BCOR: variants seen among roughly 807,000 people sequenced by gnomAD.
The protein encoded by BCOR is BCL-6 corepressor.
A neutral mutation model predicts 86.7 loss-of-function variants in BCOR; 10 were observed. The ratio of observed to expected loss-of-function variants is 0.12; its 90% CI spans 0.07 to 0.20. The LOEUF is 0.20. BCOR is among the 10% of genes least tolerant of loss of function. The pLI, the probability that BCOR is intolerant of heterozygous loss-of-function variation, is 1.00. For synonymous variants in BCOR, 611 were observed against 609.0 expected (o/e 1.00, Z -0.05); for missense variants, 1,259 against 1,452.1 (o/e 0.87, Z 2.16).
intron 9 of BCOR, 82 bp downstream of exon 9, chrX:40,062,664 G>A: frequency 1.0e-6 from 1 of 964,058 alleles, no homozygotes; most frequent in South Asian, 2.1e-5. Flanking sequence ...GAAAAGGAAA[G>A]CTTTGTCCCC....
intron 3 of BCOR, among the ~76,000 whole-genome samples, chrX:40,075,904 T>C (rs1259243253): frequency 8.9e-6 from 1 of 112,413 alleles, no homozygotes; most frequent in African/African-American, 3.2e-5. Context: ...TAACCCTCCC[T>C]GGGCCTGTCA....
chrX:40,129,723 AG>A (rs34902750), intron 1 of BCOR, among the ~76,000 whole-genome samples: 20,983 of 109,551 alleles, frequency 0.19, 2,942 homozygotes, highest in African/African-American at 0.49. Context: ...CCTTGGGAGC[AG>A]GAGTGGTGGC....
Position 40,139,483 on chromosome X carries a change from ATATATATATATATATT to A in BCOR, c.-41+37508_-41+37523del, listed in dbSNP as rs1385549781. Among the ~76,000 whole-genome samples, 3 of 14,831 alleles carry A rather than the reference ATATATATATATATATT, an allele frequency of 2.0e-4. 1 individual carries two copies. The highest frequency in any genetic ancestry group is 9.4e-5 in the Non-Finnish European group (1 of 10,645). The allele number at this position is 14,831 out of a possible 115,157, so 12.9% of individuals were successfully genotyped here. ...TATATATATATATATATATATATAT[ATATATATATATATATT>A]TTTTTTTTTTTTTAAGCATCAGCCT... is the stretch of plus-strand genomic sequence containing the variant. On this transcript the variant is annotated intron_variant, in intron 1 of 14. Transcript: ENST00000342274.
intron 1 of BCOR, among the ~76,000 whole-genome samples, chrX:40,121,942 G>A (rs1467080527): frequency 1.8e-5 from 2 of 111,949 alleles, no homozygotes; most frequent in African/African-American, 6.5e-5. Flanking sequence ...CTTTGTCATC[G>A]CATCCATCCC....
intron 1 of BCOR, among the ~76,000 whole-genome samples, chrX:40,089,111 G>A (rs777987695): frequency 1.8e-5 from 2 of 111,768 alleles, no homozygotes; most frequent in Admixed American, 9.4e-5. Flanking sequence ...CAAGTCTCAG[G>A]GGGTCTCAGG....
chrX:40,131,405 C>T (rs1937599940), intron 1 of BCOR, among the ~76,000 whole-genome samples: 1 of 112,362 alleles, frequency 8.9e-6, no homozygotes, highest in Non-Finnish European at 1.9e-5. Context: ...GCCTGCAATC[C>T]CAGCACTTTG....
At chrX:40,105,026 T>G in intron 1 of BCOR, among the ~76,000 whole-genome samples, 1 of 110,105 alleles carries the variant, frequency 9.1e-6, no homozygotes, top group Non-Finnish European at 1.9e-5. Flanking sequence ...GCGGGTAAGC[T>G]GAGTCGGCGG....
At chrX:40,162,477 C>T (rs1297144470) in intron 1 of BCOR, among the ~76,000 whole-genome samples, 1 of 111,381 alleles carries the variant, frequency 9.0e-6, no homozygotes, top group Non-Finnish European at 1.9e-5. Flanking sequence ...GAACCAGATA[C>T]ATCCTGGGAA....
Position 40,074,946 on chromosome X carries a change from C to A in BCOR, c.400G>T (p.Ala134Ser). 1 of 1,211,413 alleles carries A rather than the reference C, an allele frequency of 8.3e-7. No homozygotes were observed. The highest frequency in any genetic ancestry group is 1.8e-5 in the South Asian group (1 of 56,919). ...FKPNTPETVE[A>S]SAVSGKPPNG... ...GGGGGTTTTCCAGAGACGGCAGAAG[C>A]CTCCACTGTCTCGGGTGTATTCGGT... The change falls in exon 4 of 15, where the codon GCT becomes TCT. Residue 134 changes from alanine (A) to serine (S), a missense_variant. Ala to Ser is a moderately conservative substitution (Grantham distance 99, BLOSUM62 1). This residue lies in a region of BCOR where 174 missense variants were observed against 189.3 expected (regional missense o/e 0.92). Transcript: ENST00000378444.
intron 1 of BCOR, among the ~76,000 whole-genome samples, chrX:40,147,182 A>C (rs762089003): frequency 9.0e-6 from 1 of 111,537 alleles, no homozygotes; most frequent in African/African-American, 3.3e-5. Flanking sequence ...ATCAGCGGCA[A>C]AATCATGTAC....
chrX:40,156,373 G>A (rs1223491643), intron 1 of BCOR, among the ~76,000 whole-genome samples: 2 of 111,739 alleles, frequency 1.8e-5, no homozygotes, highest in African/African-American at 6.5e-5. Flanking sequence ...GTTTTTTCGG[G>A]GCGGGGGTAG....
chrX:40,113,810 TTTTC>T (rs200935908), intron 1 of BCOR, among the ~76,000 whole-genome samples: 15,578 of 108,943 alleles, frequency 0.14, 2,262 homozygotes, highest in African/African-American at 0.44. Flanking sequence ...AATACTTTTT[TTTTC>T]TTTCTTTCTT....
At chrX:40,172,318 C>T (rs942417635) in intron 1 of BCOR, among the ~76,000 whole-genome samples, 1 of 112,532 alleles carries the variant, frequency 8.9e-6, no homozygotes, top group Admixed American at 9.3e-5. Flanking sequence ...GCGAACAGGT[C>T]CTCGCCAGCA....
At position 40,064,360 on chromosome X, in the gene BCOR, C is replaced by G. The variant is rs370146706; in HGVS notation, c.3478G>C (p.Ala1160Pro). The G allele has an allele frequency of 1.7e-6, 2 of 1,211,260 alleles. No homozygotes were observed. Among genetic ancestry groups the G allele is most frequent in the Non-Finnish European group, 2.2e-6 (2 of 895,460 alleles). Residue 1160 changes from alanine (A) to proline (P), a missense_variant, in exon 7 of 15, where the codon GCC becomes CCC. Ala to Pro is a conservative substitution (Grantham distance 27). Coordinates refer to ENST00000378444, the MANE Select transcript of BCOR (RefSeq NM_001123385.2). ...CCTTTAGAGACTCGTCGGCGTTTGG[C>G]TTTCAGCAGAGGGTCCTCTGGCACC... The part of the protein sequence containing the change: ...EEVPEDPLLK[A>P]KRRRVSKDDW...
chrX:40,092,341 G>A (rs1316027642), intron 1 of BCOR, among the ~76,000 whole-genome samples: 4 of 111,598 alleles, frequency 3.6e-5, no homozygotes, highest in Non-Finnish European at 7.6e-5. Context: ...AAGAGGGACC[G>A]CAGCAAATCG....
intron 1 of BCOR, among the ~76,000 whole-genome samples, chrX:40,130,728 C>A (rs1325678703): frequency 1.8e-5 from 2 of 112,168 alleles, no homozygotes; most frequent in African/African-American, 3.2e-5. Context: ...GGGTGTGGGC[C>A]AGAGGGGCAA....
intron 1 of BCOR, among the ~76,000 whole-genome samples, chrX:40,168,057 C>T (rs1393329171): frequency 1.8e-5 from 2 of 112,673 alleles, no homozygotes; most frequent in African/African-American, 3.2e-5. Flanking sequence ...TTGCTGGCGG[C>T]GGCGGGGCTT....
At chrX:40,062,525 G>T in intron 9 of BCOR, 132 bp from the exon 10 acceptor site, 1 of 931,276 alleles carries the variant, frequency 1.1e-6, no homozygotes, top group South Asian at 2.2e-5. Context: ...TTTGGGGGTG[G>T]GGGGTGCCTG....
At chrX:40,106,374 G>T (rs1437790474) in intron 1 of BCOR, among the ~76,000 whole-genome samples, 1 of 112,272 alleles carries the variant, frequency 8.9e-6, no homozygotes, top group Non-Finnish European at 1.9e-5. Context: ...GGCTCGGGCC[G>T]CGGGCGGCGT....
Sources: allele counts gnomAD v4.1 joint callset (sites outside exome capture counted in the v4.1 genomes callset), GRCh38; gene constraint gnomAD v4.1.1; regional missense constraint gnomAD v4.1.1; transcripts MANE v1.5; gene names NCBI Gene and HGNC (gene_info 2026-07-23, HGNC 2026-07-21).